The following CRTAC1 variants were observed in gnomAD, a reference collection of about 807,000 sequenced individuals.
The protein encoded by CRTAC1 is acidic secreted protein in cartilage.
CRTAC1 carries 37 observed loss-of-function variants against 67.8 expected under a neutral mutation model. That is an observed-to-expected ratio of 0.55 (90% CI 0.42 to 0.72). CRTAC1 has a LOEUF of 0.72. Ranked by LOEUF, CRTAC1 falls within the 30% of genes least tolerant of loss-of-function variation. The pLI is 0.00. For synonymous variants in CRTAC1, 348 were observed against 371.0 expected, an observed-to-expected ratio of 0.94 and a Z score of 0.71; for missense variants, 780 against 931.6, an observed-to-expected ratio of 0.84 and a Z score of 2.12.
chr10:97,865,958 A>G, intron 14 of CRTAC1: 1 of 508,678 alleles, frequency 2.0e-6, no homozygotes, highest in Non-Finnish European at 3.3e-6. Context: ...TGGGCCACAC[A>G]GAGACAGATC....
Position 97,901,614 on chromosome 10 carries a change from A to G in CRTAC1, c.1022T>C (p.Met341Thr). ...FRDIASPKFS[M>T]PSPVRTVITA... Reference sequence around the variant, plus strand: ...GATGACCGTGCGGACAGGGGAGGGCATGGAGAACTTGGGTGAGGCGATGTC... The same window carrying G: ...GATGACCGTGCGGACAGGGGAGGGCGTGGAGAACTTGGGTGAGGCGATGTC... The change falls in exon 8 of 15, where the codon ATG (methionine) becomes ACG (threonine). Residue 341 changes from methionine to threonine, a missense_variant. By Grantham distance (81) the Met-to-Thr change is moderately conservative. Coordinates refer to ENST00000370597, the MANE Select transcript of CRTAC1 (RefSeq NM_018058.7). 1 of 1,614,160 alleles carries G rather than the reference A, an allele frequency of 6.2e-7. No individual in the cohort carries two copies. The highest frequency in any genetic ancestry group is 8.5e-7 in the Non-Finnish European group (1 of 1,180,022).
At chr10:97,930,705 C>T (rs1053587756) in intron 3 of CRTAC1, among the ~76,000 whole-genome samples, 1 of 152,150 alleles carries the variant, frequency 6.6e-6, no homozygotes, top group African/African-American at 2.4e-5. Context: ...GTCAGCTCCT[C>T]TGCTGTGAGG....
intron 2 of CRTAC1, among the ~76,000 whole-genome samples, chr10:97,939,719 T>A (rs958429896): frequency 6.6e-6 from 1 of 152,080 alleles, no homozygotes; most frequent in Non-Finnish European, 1.5e-5. Context: ...ATCCCCTGAG[T>A]GTGCTCTGCC....
intron 1 of CRTAC1, among the ~76,000 whole-genome samples, chr10:98,020,310 C>T (rs1272451898): frequency 6.6e-6 from 1 of 152,178 alleles, no homozygotes; most frequent in Non-Finnish European, 1.5e-5. Context: ...AATAATAATA[C>T]ATATCTACCA....
chr10:97,982,719 C>T (rs528293338), intron 2 of CRTAC1, among the ~76,000 whole-genome samples: 6 of 152,134 alleles, frequency 3.9e-5, no homozygotes, highest in South Asian at 4.2e-4. Flanking sequence ...CCAGAAGCGC[C>T]GCAATTGTGT....
At chr10:97,902,423 T>G (rs778064828) in intron 7 of CRTAC1, among the ~76,000 whole-genome samples, 3 of 152,096 alleles carry the variant, frequency 2.0e-5, no homozygotes, top group Non-Finnish European at 4.4e-5. Flanking sequence ...TTTGAGACAT[T>G]TGCTTTGAGG....
At chr10:97,959,594 A>G (rs1350921940) in intron 2 of CRTAC1, among the ~76,000 whole-genome samples, 1 of 152,180 alleles carries the variant, frequency 6.6e-6, no homozygotes, top group African/African-American at 2.4e-5. Context: ...AATGCTATAT[A>G]AACTGCATGC....
chr10:97,899,551 A>T (rs531315538), intron 8 of CRTAC1, among the ~76,000 whole-genome samples: 24 of 152,344 alleles, frequency 1.6e-4, no homozygotes, highest in African/African-American at 5.1e-4. Flanking sequence ...AGAGAAGGAA[A>T]GCAGTGTCTC....
Position 97,895,796 on chromosome 10 carries a change from GC to G in CRTAC1, c.1317+88del. 8.9e-7 allele frequency: 1 copy of G among 1,118,560 alleles called. No homozygotes were observed. The highest frequency in any genetic ancestry group is 1.3e-6 in the Non-Finnish European group (1 of 757,792). The allele number at this position is 1,118,560 out of a possible 1,614,324, so 69.3% of individuals were successfully genotyped here. A position where few individuals can be genotyped will look rare whatever the true frequency, so the allele number is the denominator to read the frequency against. On this transcript the variant is annotated intron_variant, in intron 10 of 14. Coordinates refer to ENST00000370597, the MANE Select transcript of CRTAC1 (RefSeq NM_018058.7). This position sits in a 1 kb window ranked among gnomAD's most constrained non-coding sequence, Gnocchi z 4.2. ...TTCCATTACCCACCATGCTGGCCAA[GC>G]CAGCACCCCGGCACCTTGCCCTCAC...
intron 5 of CRTAC1, 83 bp downstream of exon 5, chr10:97,917,417 G>T: frequency 8.4e-7 from 1 of 1,187,668 alleles, no homozygotes; most frequent in Non-Finnish European, 1.1e-6. Context: ...TGTGGTCTCT[G>T]ATGAATTAGA....
intron 2 of CRTAC1, among the ~76,000 whole-genome samples, chr10:97,984,130 C>A (rs528424906): frequency 6.6e-6 from 1 of 152,296 alleles, no homozygotes; most frequent in East Asian, 1.9e-4. Context: ...AGGCGAAAAT[C>A]CCTACATGGC....
intron 2 of CRTAC1, among the ~76,000 whole-genome samples, chr10:97,968,398 A>T (rs936636364): frequency 6.6e-6 from 1 of 152,116 alleles, no homozygotes; most frequent in African/African-American, 2.4e-5. Flanking sequence ...ACGTGCCACC[A>T]TGCCTGGCTA....
chr10:97,879,946 T>C (rs900252118), intron 14 of CRTAC1: 2 of 778,326 alleles, frequency 2.6e-6, no homozygotes, highest in South Asian at 3.8e-5. Context: ...AGTTAGTTTA[T>C]ATCCCAGCTA....
chr10:98,009,731 G>A (rs1842871184), intron 2 of CRTAC1, among the ~76,000 whole-genome samples: 1 of 152,194 alleles, frequency 6.6e-6, no homozygotes, highest in Non-Finnish European at 1.5e-5. Context: ...AGGCCTCCCA[G>A]AATGAGGTCG....
At chr10:97,887,615 G>A (rs1165368362) in intron 11 of CRTAC1, among the ~76,000 whole-genome samples, 2 of 152,206 alleles carry the variant, frequency 1.3e-5, no homozygotes, top group Non-Finnish European at 2.9e-5. Context: ...CTGGGGCTAT[G>A]AGATAAGCAG....
chr10:97,890,597 T>C (rs1463293475), intron 11 of CRTAC1, among the ~76,000 whole-genome samples: 2 of 152,168 alleles, frequency 1.3e-5, no homozygotes, highest in Non-Finnish European at 2.9e-5. Flanking sequence ...AAACTGCTCC[T>C]TGTTGCCCCT....
intron 2 of CRTAC1, among the ~76,000 whole-genome samples, chr10:97,972,971 A>G (rs1479977338): frequency 1.3e-5 from 2 of 152,166 alleles, no homozygotes; most frequent in Non-Finnish European, 2.9e-5. Context: ...CACTGTGTCA[A>G]GTGTAATTGT....
chr10:97,880,185 C>G, intron 14 of CRTAC1, 64 bp downstream of exon 14: 1 of 1,574,128 alleles, frequency 6.4e-7, no homozygotes, highest in South Asian at 1.1e-5. Flanking sequence ...TGGGGCCTAC[C>G]CAGAGCTCCC....
intron 3 of CRTAC1, among the ~76,000 whole-genome samples, chr10:97,925,060 A>C (rs962993220): frequency 2.0e-5 from 3 of 152,156 alleles, no homozygotes; most frequent in Non-Finnish European, 4.4e-5. Context: ...TGAGCCCAGG[A>C]GTTCTAGACC....
Sources: gnomAD v4.1 joint callset for allele counts (sites outside exome capture counted in the v4.1 genomes callset) on GRCh38, gnomAD v4.1.1 for gene constraint, Gnocchi (gnomAD v3.1) non-coding constraint, MANE v1.5 for transcripts, NCBI Gene and HGNC (gene_info 2026-07-23, HGNC 2026-07-21) for gene names.